The following RCBTB1 variants were observed in gnomAD, a reference collection of about 807,000 sequenced individuals.
RCBTB1 encodes the protein RCC1 and BTB domain containing protein 1.
A neutral mutation model predicts 62.4 loss-of-function variants in RCBTB1; 46 were observed. The observed-to-expected ratio is 0.74, with a 90% CI of 0.58 to 0.94. The LOEUF is 0.94. Among genes scored for constraint, RCBTB1 ranks in the 40% least tolerant of loss-of-function variants. The probability of loss-of-function intolerance (pLI) is 0.00; values close to 1 mark genes in which losing one functional copy is unlikely to be tolerated. For missense variants in RCBTB1, 565 were observed against 654.9 expected, an observed-to-expected ratio of 0.86 and a Z score of 1.50; for synonymous variants, 222 against 245.8, an observed-to-expected ratio of 0.90 and a Z score of 0.91.
At chr13:49,536,294 G>A (rs965565776) in intron 12 of RCBTB1, among the ~76,000 whole-genome samples, 1 of 152,174 alleles carries the variant, frequency 6.6e-6, no homozygotes, top group Non-Finnish European at 1.5e-5. Context: ...TATGTAAAAG[G>A]AAGCCCTGAA....
intron 2 of RCBTB1, among the ~76,000 whole-genome samples, chr13:49,576,922 A>T (rs1963824461): frequency 6.6e-6 from 1 of 152,186 alleles, no homozygotes; most frequent in Admixed American, 6.5e-5. Context: ...CAGAGGTAGA[A>T]AGAGTGTAAC....
At chr13:49,571,462 C>T (rs1172558565) in intron 2 of RCBTB1, among the ~76,000 whole-genome samples, 1 of 152,192 alleles carries the variant, frequency 6.6e-6, no homozygotes, top group African/African-American at 2.4e-5. Context: ...TTGCATCAAC[C>T]ATTGAGAGGC....
chr13:49,560,401 A>G (rs1399472385), intron 4 of RCBTB1, among the ~76,000 whole-genome samples: 1 of 152,218 alleles, frequency 6.6e-6, no homozygotes, highest in African/African-American at 2.4e-5. Flanking sequence ...TCTGTGTCAG[A>G]TGCCAAGAAA....
intron 4 of RCBTB1, among the ~76,000 whole-genome samples, chr13:49,565,491 A>G (rs1300421338): frequency 8.9e-6 from 1 of 112,328 alleles, no homozygotes; most frequent in African/African-American, 3.7e-5. Context: ...CTGGGATGTG[A>G]GGAGCCCCTC....
chr13:49,560,945 C>A (rs1016433942), intron 4 of RCBTB1, among the ~76,000 whole-genome samples: 1 of 152,156 alleles, frequency 6.6e-6, no homozygotes, highest in East Asian at 1.9e-4. Context: ...CATGCCACCC[C>A]CTCCCAGCAC....
intron 7 of RCBTB1, among the ~76,000 whole-genome samples, 170 bp from the exon 8 acceptor site, chr13:49,551,638 T>C (rs560147521): frequency 1.3e-5 from 2 of 152,344 alleles, no homozygotes; most frequent in South Asian, 2.1e-4. Flanking sequence ...TGGTGGCTCA[T>C]GCCTGTAATC....
chr13:49,564,583 C>CAAAAAAAAAAAA (rs10710755), intron 4 of RCBTB1, among the ~76,000 whole-genome samples: 22 of 39,316 alleles, frequency 5.6e-4, no homozygotes, highest in South Asian at 1.8e-3. Context: ...GACTCCTTCT[C>CAAAAAAAAAAAA]AAAAAAAAAA....
chr13:49,548,779 T>G (rs1961047070), intron 9 of RCBTB1, among the ~76,000 whole-genome samples: 2 of 151,440 alleles, frequency 1.3e-5, no homozygotes, highest in Non-Finnish European at 2.9e-5. Flanking sequence ...AAACTAGTGG[T>G]TGCTAGGGGT....
In RCBTB1 at chr13:49,532,780, G is replaced by C. The variant is rs1049591152; in HGVS notation, c.*1342C>G. ...ATGTATTCAGGCTCCAGGTTCAGAAGAGAGACTTTCCAAGCAGGAGACAAA... is the reference window on the plus strand; with the variant it reads ...ATGTATTCAGGCTCCAGGTTCAGAACAGAGACTTTCCAAGCAGGAGACAAA... On this transcript the variant is annotated 3_prime_UTR_variant, in exon 13 of 13. Coordinates refer to ENST00000378302, the MANE Select transcript of RCBTB1 (RefSeq NM_018191.4). 5 of 152,018 alleles carry C rather than the reference G, an allele frequency of 3.3e-5. No individual in the cohort carries two copies. 9.4% of individuals were successfully genotyped at this position (152,018 alleles called of 1,614,324 possible).
chr13:49,558,695 CAAAAA>C (rs1186659232), intron 5 of RCBTB1, among the ~76,000 whole-genome samples: 2 of 59,378 alleles, frequency 3.4e-5, no homozygotes, highest in Admixed American at 1.8e-4. Context: ...ACTCTGTCTC[CAAAAA>C]AAAAAAAAAA....
At chr13:49,566,366 A>G (rs980946660) in intron 4 of RCBTB1, among the ~76,000 whole-genome samples, 3 of 152,194 alleles carry the variant, frequency 2.0e-5, no homozygotes, top group Non-Finnish European at 2.9e-5. Flanking sequence ...ATCATTTGCT[A>G]TATCTAATCA....
rs77627339 is a variant in RCBTB1, at chr13:49,582,873, T to G, written c.-121-2289A>C. ...TTTTTGCTAAGAGTAAGAGGGGAGGTAGCAATAAACAGTGGAGTGGAGGCC... is the reference window on the plus strand; with the variant it reads ...TTTTTGCTAAGAGTAAGAGGGGAGGGAGCAATAAACAGTGGAGTGGAGGCC... On this transcript the variant is annotated intron_variant, in intron 1 of 12. Transcript: ENST00000378302. Among the ~76,000 whole-genome samples, 398 of 151,932 alleles carry G rather than the reference T, an allele frequency of 2.6e-3. 2 individuals carry two copies. Among genetic ancestry groups the G allele is most frequent in the African/African-American group, 9.3e-3 (385 of 41,424 alleles).
intron 5 of RCBTB1, among the ~76,000 whole-genome samples, chr13:49,556,713 A>G (rs1350912328): frequency 1.3e-5 from 2 of 152,196 alleles, no homozygotes; most frequent in African/African-American, 4.8e-5. Flanking sequence ...GCCCTCTGGT[A>G]TATGTGTTAC....
At chr13:49,560,263 T>A (rs563242983) in intron 4 of RCBTB1, among the ~76,000 whole-genome samples, 179 bp from the exon 5 acceptor site, 1 of 152,190 alleles carries the variant, frequency 6.6e-6, no homozygotes, top group African/African-American at 2.4e-5. Context: ...CAGAACGGGA[T>A]AGACAGATGC....
chr13:49,577,919 T>A (rs1211548593), intron 2 of RCBTB1, among the ~76,000 whole-genome samples: 1 of 152,240 alleles, frequency 6.6e-6, no homozygotes, highest in Non-Finnish European at 1.5e-5. Flanking sequence ...AAATTCCTAA[T>A]AGAGGTTTCT....
At chr13:49,556,392 G>C (rs145735095) in intron 5 of RCBTB1, among the ~76,000 whole-genome samples, 5 of 151,768 alleles carry the variant, frequency 3.3e-5, no homozygotes, top group Admixed American at 1.3e-4. Flanking sequence ...GGGTTTCACC[G>C]TGTTAGCCAG....
At chr13:49,562,066 C>T (rs1419055663) in intron 4 of RCBTB1, among the ~76,000 whole-genome samples, 1 of 150,682 alleles carries the variant, frequency 6.6e-6, no homozygotes, top group Non-Finnish European at 1.5e-5. Context: ...TTGTGCCTTG[C>T]ACTCCAGCCT....
chr13:49,577,850 T>C (rs559789111), intron 2 of RCBTB1, among the ~76,000 whole-genome samples: 14 of 152,346 alleles, frequency 9.2e-5, no homozygotes, highest in African/African-American at 1.9e-4. Flanking sequence ...ACTTCTAATA[T>C]GCAAAATGAT....
rs967940854 is a variant in RCBTB1, at chr13:49,556,168, T to C, written c.445-495A>G. The stretch of plus-strand genomic sequence containing the variant: ...GGGCATAAATATTCATTGTTTTCCA[T>C]GGAAACCATTCTTTTTGTTTTGCTT... On this transcript the variant is annotated intron_variant, in intron 5 of 12. Transcript: ENST00000378302. Among the ~76,000 whole-genome samples the C allele has an allele frequency of 2.3e-4, 35 of 151,604 alleles. 1 individual carries two copies. The highest frequency in any genetic ancestry group is 7.5e-4 in the African/African-American group (31 of 41,214).
Sources: gnomAD v4.1 joint callset for allele counts (sites outside exome capture counted in the v4.1 genomes callset) on GRCh38, gnomAD v4.1.1 for gene constraint, MANE v1.5 for transcripts, NCBI Gene and HGNC (gene_info 2026-07-23, HGNC 2026-07-21) for gene names.